The following CSMD2 variants were observed in gnomAD, a reference collection of about 807,000 sequenced individuals.
CSMD2 encodes the protein CUB and Sushi multiple domains 2.
A neutral mutation model predicts 398.5 loss-of-function variants in CSMD2; 130 were observed. The observed-to-expected ratio is 0.33, with a 90% CI of 0.28 to 0.38. The LOEUF is 0.38. CSMD2 is among the 10% of genes least tolerant of loss of function. The pLI, the probability that CSMD2 is intolerant of heterozygous loss-of-function variation, is 1.00. For synonymous variants in CSMD2, 1,828 were observed against 1,908.5 expected, an observed-to-expected ratio of 0.96 and a Z score of 1.10; for missense variants, 3,829 against 4,764.9, an observed-to-expected ratio of 0.80 and a Z score of 5.78.
Position 33,999,528 on chromosome 1 carries a change from T to C in CSMD2, c.517+33066A>G, listed in dbSNP as rs182761410. 7.1e-4 allele frequency among the ~76,000 whole-genome samples: 108 copies of C among 152,206 alleles called. 1 individual carries two copies. The East Asian group carries it at 0.017, about 23-fold the overall frequency. Reference sequence around the variant, plus strand: ...CTCTTGCCTCAGCCTCCTGAGTAGTTGGGACCGCATGCATGCACCACCTCA... The same window carrying C: ...CTCTTGCCTCAGCCTCCTGAGTAGTCGGGACCGCATGCATGCACCACCTCA... On this transcript the variant is annotated intron_variant, in intron 3 of 70. Coordinates refer to ENST00000373381, the MANE Select transcript of CSMD2 (RefSeq NM_001281956.2).
intron 1 of CSMD2, among the ~76,000 whole-genome samples, chr1:34,107,359 A>G (rs969871351): frequency 1.3e-5 from 2 of 151,918 alleles, no homozygotes; most frequent in Admixed American, 6.6e-5. Context: ...CTTACGGTAT[A>G]ATAATAATAA....
intron 22 of CSMD2, among the ~76,000 whole-genome samples, chr1:33,707,723 A>G (rs1238519689): frequency 6.8e-6 from 1 of 146,960 alleles, no homozygotes; most frequent in African/African-American, 2.7e-5. Context: ...ACACACACAC[A>G]CACACACACA....
Position 34,165,218 on chromosome 1 carries a change from C to A in CSMD2, c.-121G>T. ...CCCGGTACGCGGGAGCCCTGAGCTT[C>A]TGCGGCTGGAATGAACCAAGTGTCC... On this transcript the variant is annotated 5_prime_UTR_variant, in exon 1 of 71. Transcript: ENST00000373381. The A allele has an allele frequency of 8.6e-7, 1 of 1,169,454 alleles. No homozygotes were observed. Among genetic ancestry groups the A allele is most frequent in the Non-Finnish European group, 1.1e-6 (1 of 948,290 alleles). 72.4% of individuals were successfully genotyped at this position (1,169,454 alleles called of 1,614,324 possible).
At chr1:34,061,080 C>A (rs1188751369) in intron 2 of CSMD2, among the ~76,000 whole-genome samples, 1 of 152,188 alleles carries the variant, frequency 6.6e-6, no homozygotes, top group East Asian at 1.9e-4. Context: ...TGCTCCACCC[C>A]AACCCTGCCT....
intron 15 of CSMD2, 133 bp from the exon 16 acceptor site, chr1:33,726,818 C>T: frequency 2.9e-6 from 3 of 1,021,884 alleles, no homozygotes; most frequent in Non-Finnish European, 4.1e-6. Context: ...AAACTATAAA[C>T]TGTGAGTTTT....
intron 4 of CSMD2, among the ~76,000 whole-genome samples, chr1:33,920,019 A>G (rs1046234926): frequency 6.6e-6 from 1 of 152,192 alleles, no homozygotes; most frequent in Admixed American, 6.5e-5. Flanking sequence ...GTAAGTGCAG[A>G]GGAAAATGGG....
At chr1:33,646,888 T>C in intron 28 of CSMD2, 53 bp from the exon 29 acceptor site, 1 of 1,543,904 alleles carries the variant, frequency 6.5e-7, no homozygotes, top group Non-Finnish European at 8.8e-7. Context: ...ATAAAGGCTT[T>C]TGCCGGGGTC....
chr1:33,774,278 T>C (rs897241989), intron 12 of CSMD2, among the ~76,000 whole-genome samples: 1 of 152,106 alleles, frequency 6.6e-6, no homozygotes, highest in Non-Finnish European at 1.5e-5. Flanking sequence ...CATGTCCCCC[T>C]GGCCTCACCC....
At chr1:33,588,641 TTAAA>T (rs1297827939) in intron 44 of CSMD2, among the ~76,000 whole-genome samples, 1 of 152,120 alleles carries the variant, frequency 6.6e-6, no homozygotes, top group African/African-American at 2.4e-5. Flanking sequence ...GTTAGAGAAG[TTAAA>T]TACTTAAAAC....
At chr1:33,606,034 G>T (rs558172587) in intron 41 of CSMD2, 1 of 1,581,194 alleles carries the variant, frequency 6.3e-7, no homozygotes, top group African/African-American at 1.4e-5. Context: ...CTGGGCTAAG[G>T]GACGTGTGGC....
intron 12 of CSMD2, among the ~76,000 whole-genome samples, chr1:33,787,573 T>C (rs1653684516): frequency 6.6e-6 from 1 of 152,218 alleles, no homozygotes; most frequent in Non-Finnish European, 1.5e-5. Flanking sequence ...GCAGCTCTTT[T>C]GCATGCCACT....
intron 13 of CSMD2, 137 bp from the exon 14 acceptor site, chr1:33,743,743 G>T: frequency 1.5e-6 from 1 of 665,680 alleles, no homozygotes; most frequent in Non-Finnish European, 2.5e-6. Flanking sequence ...GGCTGGACTG[G>T]CTGGGCTCTG....
chr1:33,783,440 TCTCTCTCTCTCTC>T (rs1653071377), intron 12 of CSMD2, among the ~76,000 whole-genome samples: 1 of 35,828 alleles, frequency 2.8e-5, no homozygotes, highest in African/African-American at 6.0e-5. Context: ...ATTCTCTCTC[TCTCTCTCTCTCTC>T]TCTCTCTCTC....
Position 33,698,963 on chromosome 1 carries a change from G to T in CSMD2, c.3734-19C>A, listed in dbSNP as rs759014836. 45 of 1,604,244 alleles carry T rather than the reference G, an allele frequency of 2.8e-5. No homozygotes were observed. In the South Asian group the frequency reaches 5.0e-4, roughly 18 times the overall value. ...TCAAAGCCTGGTGAGGAGAGAAGAGGTAGAGTGAGTAAGACCTATTGTGGC... is the reference window on the plus strand; with the variant it reads ...TCAAAGCCTGGTGAGGAGAGAAGAGTTAGAGTGAGTAAGACCTATTGTGGC... On this transcript the variant is annotated intron_variant, in intron 23 of 70. Transcript: ENST00000373381.
intron 6 of CSMD2, among the ~76,000 whole-genome samples, chr1:33,840,942 T>A (rs1159451433): frequency 6.6e-6 from 1 of 152,220 alleles, no homozygotes; most frequent in African/African-American, 2.4e-5. Flanking sequence ...TGAAGCCAAG[T>A]CACAGGCAAG....
At chr1:33,742,918 C>A (rs971526780) in intron 14 of CSMD2, among the ~76,000 whole-genome samples, 2 of 152,158 alleles carry the variant, frequency 1.3e-5, no homozygotes, top group Admixed American at 1.3e-4. Flanking sequence ...CATCAGAAAC[C>A]AATGAGAATG....
chr1:34,052,027 G>C (rs1455713342), intron 2 of CSMD2, among the ~76,000 whole-genome samples: 2 of 151,972 alleles, frequency 1.3e-5, no homozygotes, highest in African/African-American at 4.8e-5. Context: ...CTTCAACCGG[G>C]GGTATTGGTC....
At chr1:33,939,222 T>C (rs575465824) in intron 3 of CSMD2, among the ~76,000 whole-genome samples, 88 of 151,766 alleles carry the variant, frequency 5.8e-4, no homozygotes, top group Non-Finnish European at 1.1e-3. Flanking sequence ...GTGTATCCCA[T>C]GAGATCCCAT....
chr1:34,019,205 T>C (rs559898563), intron 3 of CSMD2, among the ~76,000 whole-genome samples: 1 of 152,326 alleles, frequency 6.6e-6, no homozygotes, highest in South Asian at 2.1e-4. Flanking sequence ...GCTTTCATTA[T>C]CATCCTGACG....
Sources: allele counts gnomAD v4.1 joint callset (sites outside exome capture counted in the v4.1 genomes callset), GRCh38; gene constraint gnomAD v4.1.1; transcripts MANE v1.5; gene names NCBI Gene and HGNC (gene_info 2026-07-23, HGNC 2026-07-21).